The following TM2D1 variants were observed in gnomAD, a reference collection of about 807,000 sequenced individuals.
TM2D1 encodes the protein TM2 domain-containing protein 1.
TM2D1 carries 15 observed loss-of-function variants against 28.4 expected under a neutral mutation model. That is an observed-to-expected ratio of 0.53 (90% confidence interval 0.35 to 0.81). TM2D1 has a LOEUF of 0.81. TM2D1 is among the 40% of genes least tolerant of loss of function. TM2D1 has a pLI of 0.01. For synonymous variants in TM2D1, 93 were observed against 96.2 expected, an observed-to-expected ratio of 0.97 and a Z score of 0.20; for missense variants, 236 against 254.9, an observed-to-expected ratio of 0.93 and a Z score of 0.50.
chr1:61,722,947 G>A lies in TM2D1; in HGVS notation c.238+766C>T, dbSNP rs562630068. 6.6e-5 allele frequency among the ~76,000 whole-genome samples: 10 copies of A among 152,188 alleles called. No homozygotes were observed. In the East Asian group the frequency reaches 7.7e-4, roughly 12 times the overall value. ...TAAAAATAAAAAAAGTATTTTTCTC[G>A]CCTAGAGGGTTGTTTTGTATATATG... On this transcript the variant is annotated intron_variant, in intron 2 of 6. Transcript: ENST00000606498.
intron 5 of TM2D1, among the ~76,000 whole-genome samples, chr1:61,689,442 T>C (rs146948351): frequency 6.6e-6 from 1 of 152,316 alleles, no homozygotes; most frequent in African/African-American, 2.4e-5. Flanking sequence ...CAGTTCACTC[T>C]GCAACCTTGA....
intron 4 of TM2D1, among the ~76,000 whole-genome samples, chr1:61,695,587 G>A (rs1409559974): frequency 3.3e-5 from 5 of 152,046 alleles, no homozygotes; most frequent in African/African-American, 1.2e-4. Flanking sequence ...TTGTGAAAAT[G>A]TAGTTCCATA....
At chr1:61,684,752 C>T (rs1020957846) in intron 5 of TM2D1, among the ~76,000 whole-genome samples, 1 of 151,990 alleles carries the variant, frequency 6.6e-6, no homozygotes, top group South Asian at 2.1e-4. Context: ...TAAGATGATT[C>T]GCTAGAAGTT....
intron 5 of TM2D1, among the ~76,000 whole-genome samples, chr1:61,691,847 G>A (rs1305880786): frequency 8.1e-5 from 12 of 147,814 alleles, no homozygotes; most frequent in Admixed American, 2.7e-4. Context: ...TCCAGGAGGT[G>A]GAGGTTGCGG....
chr1:61,684,324 T>C (rs1363601669), intron 5 of TM2D1, among the ~76,000 whole-genome samples: 1 of 152,202 alleles, frequency 6.6e-6, no homozygotes, highest in Admixed American at 6.5e-5. Flanking sequence ...AAATACTCTT[T>C]GTAAAACAAA....
chr1:61,688,472 C>T (rs1185886574), intron 5 of TM2D1, among the ~76,000 whole-genome samples: 7 of 152,162 alleles, frequency 4.6e-5, no homozygotes, highest in Non-Finnish European at 1.0e-4. Flanking sequence ...CGCCTGTAAT[C>T]TCAGCACTTT....
chr1:61,713,634 G>A (rs1644495379), intron 2 of TM2D1, among the ~76,000 whole-genome samples: 1 of 151,604 alleles, frequency 6.6e-6, no homozygotes, highest in Admixed American at 6.6e-5. Flanking sequence ...TTACTAGATT[G>A]TAGATCATTT....
At chr1:61,722,277 C>T (rs905491709) in intron 2 of TM2D1, among the ~76,000 whole-genome samples, 5 of 152,016 alleles carry the variant, frequency 3.3e-5, no homozygotes, top group Non-Finnish European at 7.4e-5. Context: ...CATAATGAGA[C>T]ACCCAGAAAG....
At chr1:61,702,992 G>A (rs968551121) in intron 3 of TM2D1, among the ~76,000 whole-genome samples, 5 of 151,444 alleles carry the variant, frequency 3.3e-5, no homozygotes, top group African/African-American at 1.2e-4. Context: ...TGTAGTCCCA[G>A]CTACTTGGGA....
intron 6 of TM2D1, among the ~76,000 whole-genome samples, chr1:61,682,930 C>G (rs932394587): frequency 6.6e-6 from 1 of 151,048 alleles, no homozygotes; most frequent in Non-Finnish European, 1.5e-5. Flanking sequence ...AAAGATAAAG[C>G]TGAGGCCAAT....
intron 5 of TM2D1, chr1:61,686,992 G>A (rs963284172): frequency 1.0e-6 from 1 of 984,430 alleles, no homozygotes; most frequent in Non-Finnish European, 1.2e-6. Context: ...ATGTCCATTT[G>A]TCCATAGGCA....
intron 2 of TM2D1, among the ~76,000 whole-genome samples, chr1:61,720,656 C>T (rs569320727): frequency 6.6e-6 from 1 of 152,042 alleles, no homozygotes; most frequent in Non-Finnish European, 1.5e-5. Flanking sequence ...AATAAATGAA[C>T]AAATTCTCAA....
intron 3 of TM2D1, among the ~76,000 whole-genome samples, chr1:61,708,011 A>G (rs1213018674): frequency 6.6e-6 from 1 of 152,248 alleles, no homozygotes; most frequent in Non-Finnish European, 1.5e-5. Context: ...ATAAGAATGA[A>G]TAATAAGCTT....
chr1:61,722,793 T>C (rs1054571141), intron 2 of TM2D1, among the ~76,000 whole-genome samples: 3 of 152,196 alleles, frequency 2.0e-5, no homozygotes, highest in Non-Finnish European at 2.9e-5. Context: ...GAGTTACACA[T>C]AAAGAAGAGT....
rs908877861 is a variant in TM2D1 at position 61,720,695 on chromosome 1, G to T, written c.238+3018C>A. Among the ~76,000 whole-genome samples, 20 of 152,228 alleles carry T rather than the reference G, an allele frequency of 1.3e-4. 1 individual carries two copies. Among genetic ancestry groups the T allele is most frequent in the Admixed American group, 9.2e-4 (14 of 15,274 alleles). On this transcript the variant is annotated intron_variant, in intron 2 of 6. Transcript: ENST00000606498. ...ATAACAATATTTTGTAATATAAATT[G>T]TCTTAATAAAGTAAATTTAGTTTTA...
At chr1:61,704,415 T>C (rs1644426267) in intron 3 of TM2D1, among the ~76,000 whole-genome samples, 1 of 151,956 alleles carries the variant, frequency 6.6e-6, no homozygotes, top group South Asian at 2.1e-4. Flanking sequence ...AGAAAGTTTT[T>C]TTGGTTTTTT....
At chr1:61,708,665 T>C (rs1438856486) in intron 3 of TM2D1, among the ~76,000 whole-genome samples, 1 of 152,220 alleles carries the variant, frequency 6.6e-6, no homozygotes, top group East Asian at 1.9e-4. Flanking sequence ...ATTAGCATTT[T>C]TCTGATACAA....
intron 1 of TM2D1, 51 bp downstream of exon 1, chr1:61,724,906 G>T: frequency 6.6e-7 from 1 of 1,526,378 alleles, no homozygotes; most frequent in Non-Finnish European, 8.8e-7. Flanking sequence ...ACCCACCTGC[G>T]ACCCCAACTC....
intron 5 of TM2D1, among the ~76,000 whole-genome samples, chr1:61,685,459 T>C (rs1644278559): frequency 6.6e-6 from 1 of 152,214 alleles, no homozygotes; most frequent in Non-Finnish European, 1.5e-5. Flanking sequence ...TATAAAGCAT[T>C]CCTCATTTTA....
Sources: gnomAD v4.1 joint callset for allele counts (sites outside exome capture counted in the v4.1 genomes callset) on GRCh38, gnomAD v4.1.1 for gene constraint, MANE v1.5 for transcripts, NCBI Gene and HGNC (gene_info 2026-07-23, HGNC 2026-07-21) for gene names.